GEN1: variants seen among roughly 807,000 people sequenced by gnomAD.
GEN1 encodes GEN1 structure-specific endonuclease.
In GEN1, 64 loss-of-function variants were observed where a neutral mutation model predicts 67.6. That is an observed-to-expected ratio of 0.95 (90% CI 0.77 to 1.17). GEN1 has a LOEUF of 1.17. Ranked by LOEUF, GEN1 falls within the 50% of genes most tolerant of loss-of-function variation. GEN1 has a pLI of 0.00. For synonymous variants in GEN1, 371 were observed against 359.4 expected (o/e 1.03, Z -0.37); for missense variants, 1,058 against 1,048.3 (o/e 1.01, Z -0.13).
At chr2:17,771,748 T>A (rs1427305113) in intron 7 of GEN1, among the ~76,000 whole-genome samples, 2 of 151,392 alleles carry the variant, frequency 1.3e-5, no homozygotes, top group Admixed American at 6.6e-5. Context: ...ATGTTCACTA[T>A]TCTTGAAAAT....
rs1310226116 is a variant in GEN1 at position 17,773,258 on chromosome 2, A to G, written c.1030A>G (p.Lys344Glu). Residue 344 changes from lysine (K) to glutamate (E), a missense_variant, in exon 10 of 14, where the codon AAG (lysine) becomes GAG (glutamate). Lys to Glu is a moderately conservative substitution (Grantham distance 56, BLOSUM62 1). Coordinates refer to ENST00000381254, the MANE Select transcript of GEN1 (RefSeq NM_001130009.3). ...CCTTTTAAACAAGGATAAATTGGTG[A>G]AGGTTATCAGGTACCAAAGACCTGA... Reference protein sequence around the residue: ...EFLLNKDKLVKVIRYQRPDLL... With the variant: ...EFLLNKDKLVEVIRYQRPDLL... The G allele has an allele frequency of 1.2e-6, 2 of 1,602,268 alleles. No individual in the cohort carries two copies. Among genetic ancestry groups the G allele is most frequent in the Non-Finnish European group, 1.7e-6 (2 of 1,172,696 alleles).
intron 3 of GEN1, among the ~76,000 whole-genome samples, chr2:17,763,019 C>G (rs1031764095): frequency 1.2e-4 from 18 of 152,034 alleles, no homozygotes; most frequent in Admixed American, 1.0e-3. Flanking sequence ...TTTTAGTCTC[C>G]CTTTGGGTAA....
Position 17,778,185 on chromosome 2 carries a change from T to C in GEN1, c.1264+122T>C, listed in dbSNP as rs546897052. The C allele has an allele frequency of 1.2e-3, 441 of 365,222 alleles. 5 individuals are homozygous for C. Among genetic ancestry groups the C allele is most frequent in the Admixed American group, 0.011 (214 of 18,744 alleles). The allele number at this position is 365,222 out of a possible 1,614,324, so 22.6% of individuals were successfully genotyped here. On this transcript the variant is annotated intron_variant, in intron 12 of 13. Transcript: ENST00000381254. ...ACACATAGATATGTGTATATATATATATACACACACACATATATGTGTATA... is the reference window on the plus strand; with the variant it reads ...ACACATAGATATGTGTATATATATACATACACACACACATATATGTGTATA...
intron 11 of GEN1, among the ~76,000 whole-genome samples, chr2:17,775,620 A>G (rs1433783750): frequency 3.3e-5 from 5 of 152,224 alleles, no homozygotes; most frequent in Admixed American, 3.3e-4. Context: ...AAACCATTAG[A>G]TGAAAGATTG....
chr2:17,757,599 A>G (rs1334793505), intron 1 of GEN1, among the ~76,000 whole-genome samples: 1 of 152,204 alleles, frequency 6.6e-6, no homozygotes, highest in African/African-American at 2.4e-5. Flanking sequence ...GCCAGAGAAA[A>G]TATGTGCCCT....
chr2:17,781,510 C>T lies in GEN1; in HGVS notation c.2298C>T (p.Cys766=), dbSNP rs1421193989. The T allele has an allele frequency of 1.2e-6, 2 of 1,613,494 alleles. No homozygotes were observed. Among genetic ancestry groups the T allele is most frequent in the Non-Finnish European group, 1.7e-6 (2 of 1,179,954 alleles). The change falls in exon 14 of 14, where the codon TGC becomes TGT. Residue 766 remains cysteine (C), a synonymous_variant. Transcript: ENST00000381254. ...YSVSNTVVKT[C]NVRPPNTALD... is the part of the protein sequence containing the mutation. ...TCAGTAACACAGTGGTAAAGACCTG[C>T]AATGTTAGACCACCAAATACTGCTT...
rs574766382 is a variant in GEN1 at position 17,777,837 on chromosome 2, C to G, written c.1203-165C>G. Among the ~76,000 whole-genome samples the G allele has an allele frequency of 5.3e-5, 8 of 151,880 alleles. No individual in the cohort carries two copies. The South Asian group carries it at 1.5e-3, about 28-fold the overall frequency. ...ACTAACAGTAATAAACTCTATGTAC[C>G]TAACAATATTATCTTTTGAATAAAC... is the stretch of plus-strand genomic sequence containing the variant. On this transcript the variant is annotated intron_variant, in intron 11 of 13. Coordinates refer to ENST00000381254, the MANE Select transcript of GEN1 (RefSeq NM_001130009.3).
In GEN1 at chr2:17,787,216, T is replaced by G. The variant is rs1304142512; in HGVS notation, c.*5277T>G. ...GAAATTACCCATACATTCATCAGAG[T>G]ATTTATCACATTCATTCATTCGTTC... On this transcript the variant is annotated 3_prime_UTR_variant, in exon 14 of 14. Transcript: ENST00000381254. 1.3e-5 allele frequency: 2 copies of G among 152,210 alleles called. No individual in the cohort carries two copies. The highest frequency in any genetic ancestry group is 3.8e-4 in the East Asian group (2 of 5,196). The allele number at this position is 152,210 out of a possible 1,614,324, so 9.4% of individuals were successfully genotyped here. A position where few individuals can be genotyped will look rare whatever the true frequency, so the allele number is the denominator to read the frequency against.
rs1175792024 is a variant in GEN1 at position 17,778,443 on chromosome 2, CAT to C, written c.1264+385_1264+386del. Among the ~76,000 whole-genome samples, 20 of 37,864 alleles carry C rather than the reference CAT, an allele frequency of 5.3e-4. 2 individuals carry two copies. The highest frequency in any genetic ancestry group is 7.3e-4 in the African/African-American group (12 of 16,360). The allele number at this position is 37,864 out of a possible 152,430, so 24.8% of individuals were successfully genotyped here. ...GTGTACATATATGTATATACACACA[CAT>C]ATATGTGTGTACATATATGTATATA... On this transcript the variant is annotated intron_variant, in intron 12 of 13. Coordinates refer to ENST00000381254, the MANE Select transcript of GEN1 (RefSeq NM_001130009.3).
intron 2 of GEN1, among the ~76,000 whole-genome samples, chr2:17,760,386 A>G (rs114064693): frequency 0.017 from 2,600 of 152,242 alleles, 40 homozygotes; most frequent in Middle Eastern, 0.061. Context: ...TTTTCTCCCT[A>G]TTTTACTTCT....
At chr2:17,772,871 A>G (rs1672258951) in intron 8 of GEN1, 87 bp downstream of exon 8, 4 of 1,270,746 alleles carry the variant, frequency 3.1e-6, no homozygotes, top group Non-Finnish European at 4.3e-6. Flanking sequence ...ATCTTTCCCC[A>G]TATCTAGATT....
At position 17,788,429 on chromosome 2, in the gene GEN1, G is replaced by C. The variant is rs1673123424; in HGVS notation, c.*6490G>C. On this transcript the variant is annotated 3_prime_UTR_variant, in exon 14 of 14. Transcript: ENST00000381254. ...GCCAGATAAATTCACTAAGTTGCCT[G>C]TTTGGCAATGGAGGGCAGAGTTATC... The C allele has an allele frequency of 6.6e-6, 1 of 152,226 alleles. No homozygotes were observed. Among genetic ancestry groups the C allele is most frequent in the African/African-American group, 2.4e-5 (1 of 41,466 alleles). The allele number at this position is 152,226 out of a possible 1,614,324, so 9.4% of individuals were successfully genotyped here. A position where few individuals can be genotyped will look rare whatever the true frequency, so the allele number is the denominator to read the frequency against.
intron 1 of GEN1, among the ~76,000 whole-genome samples, chr2:17,758,693 A>T (rs1171219913): frequency 6.6e-6 from 1 of 152,178 alleles, no homozygotes; most frequent in Non-Finnish European, 1.5e-5. Flanking sequence ...TACACAGAAT[A>T]ATACTCATGG....
intron 5 of GEN1, 112 bp from the exon 6 acceptor site, chr2:17,768,626 A>T: frequency 1.4e-6 from 1 of 732,442 alleles, no homozygotes; most frequent in Non-Finnish European, 2.3e-6. Flanking sequence ...TCCTATCTTT[A>T]TTGAAGAGTT....
intron 12 of GEN1, among the ~76,000 whole-genome samples, chr2:17,779,460 G>A (rs547468511): frequency 6.6e-6 from 1 of 152,298 alleles, no homozygotes; most frequent in East Asian, 1.9e-4. Flanking sequence ...TCTCCATCCG[G>A]CCATTGCCAG....
In GEN1 at chr2:17,783,848, CTT is replaced by C. The variant is rs1236424133; in HGVS notation, c.*1910_*1911del. 2.6e-5 allele frequency: 4 copies of C among 152,148 alleles called. No homozygotes were observed. Among genetic ancestry groups the C allele is most frequent in the Admixed American group, 2.0e-4 (3 of 15,282 alleles). 9.4% of individuals were successfully genotyped at this position (152,148 alleles called of 1,614,324 possible). ...ACTTCACATGATATTTAAGAAGTAA[CTT>C]AAGATGGATCAAATACCTAAATGTA... On this transcript the variant is annotated 3_prime_UTR_variant, in exon 14 of 14. Transcript: ENST00000381254.
At position 17,783,857 on chromosome 2, in the gene GEN1, G is replaced by T. The variant is rs558945420; in HGVS notation, c.*1918G>T. 1 of 152,246 alleles carries T rather than the reference G, an allele frequency of 6.6e-6. No individual in the cohort carries two copies. Among genetic ancestry groups the T allele is most frequent in the Non-Finnish European group, 1.5e-5 (1 of 68,020 alleles). 9.4% of individuals were successfully genotyped at this position (152,246 alleles called of 1,614,324 possible). On this transcript the variant is annotated 3_prime_UTR_variant, in exon 14 of 14. Transcript: ENST00000381254. Reference sequence around the variant, plus strand: ...GATATTTAAGAAGTAACTTAAGATGGATCAAATACCTAAATGTAAGCTAAA... The same window carrying T: ...GATATTTAAGAAGTAACTTAAGATGTATCAAATACCTAAATGTAAGCTAAA...
chr2:17,778,167 GAT>G (rs1672538360), intron 12 of GEN1, 104 bp downstream of exon 12: 7 of 441,786 alleles, frequency 1.6e-5, no homozygotes, highest in South Asian at 2.3e-5. Flanking sequence ...CACACACATA[GAT>G]ATGTGTATAT....
intron 11 of GEN1, among the ~76,000 whole-genome samples, chr2:17,775,633 G>T (rs1672389959): frequency 6.6e-6 from 1 of 152,160 alleles, no homozygotes; most frequent in Non-Finnish European, 1.5e-5. Flanking sequence ...AAAGATTGCT[G>T]CAGAGAAAGG....
Sources: gnomAD v4.1 joint callset for allele counts (sites outside exome capture counted in the v4.1 genomes callset) on GRCh38, gnomAD v4.1.1 for gene constraint, MANE v1.5 for transcripts, NCBI Gene and HGNC (gene_info 2026-07-23, HGNC 2026-07-21) for gene names.